Variants in CYFIP2 observed in about 807,000 individuals in gnomAD.
CYFIP2 encodes the protein cytoplasmic FMR1-interacting protein 2.
A neutral mutation model predicts 158.7 loss-of-function variants in CYFIP2; 29 were observed. The ratio of observed to expected loss-of-function variants is 0.18; its 90% CI spans 0.14 to 0.25. CYFIP2 has a LOEUF of 0.25. Ranked by LOEUF, CYFIP2 falls within the 10% of genes least tolerant of loss-of-function variation. The pLI is 1.00. For missense variants in CYFIP2, 852 were observed against 1,639.5 expected, an observed-to-expected ratio of 0.52 and a Z score of 8.29; for synonymous variants, 585 against 617.6, an observed-to-expected ratio of 0.95 and a Z score of 0.78.
At position 157,374,934 on chromosome 5, in the gene CYFIP2, A is replaced by G. The variant is rs538182508; in HGVS notation, c.3040-7656A>G. Among the ~76,000 whole-genome samples the G allele has an allele frequency of 9.8e-5, 15 of 152,296 alleles. No homozygotes were observed. The South Asian group carries it at 3.1e-3, about 32-fold the overall frequency. ...CCAGCCTCTCCATCCCAGCACCATT[A>G]TGGTTCTGAAGGAGACTCATTCTAG... is the stretch of plus-strand genomic sequence containing the variant. On this transcript the variant is annotated intron_variant, in intron 26 of 30. Transcript: ENST00000620254.
chr5:157,317,432 C>T (rs1760242054), intron 13 of CYFIP2, among the ~76,000 whole-genome samples: 3 of 152,172 alleles, frequency 2.0e-5, no homozygotes, highest in African/African-American at 7.2e-5. Context: ...GTATTTATCT[C>T]CCTAGTTCTA....
chr5:157,326,702 G>A (rs961324856), intron 18 of CYFIP2, among the ~76,000 whole-genome samples: 3 of 152,220 alleles, frequency 2.0e-5, no homozygotes, highest in Non-Finnish European at 4.4e-5. Flanking sequence ...CTCAGAACTG[G>A]TTCTAGAAGG....
chr5:157,314,983 G>C lies in CYFIP2; in HGVS notation c.1245G>C (p.Leu415=), dbSNP rs1414730103. 2.5e-6 allele frequency: 4 copies of C among 1,575,944 alleles called. No individual in the cohort carries two copies. Among genetic ancestry groups the C allele is most frequent in the Non-Finnish European group, 3.4e-6 (4 of 1,160,164 alleles). ...ACTCTCCCCAGTACTCTTGGAAGCT[G>C]GTTCATCCCACAGACAAGTTCTGCA... The part of the protein sequence containing the change: ...AHVMEVYSWK[L]VHPTDKFCNK... The change falls in exon 13 of 31, where the codon CTG becomes CTC. Residue 415 remains leucine, a synonymous_variant. Coordinates refer to ENST00000620254, the MANE Select transcript of CYFIP2 (RefSeq NM_001037333.3).
chr5:157,337,563 A>G (rs1761949549), intron 21 of CYFIP2, among the ~76,000 whole-genome samples: 1 of 152,258 alleles, frequency 6.6e-6, no homozygotes, highest in Admixed American at 6.5e-5. Flanking sequence ...TTAGAGCCAC[A>G]GAATCTGAGT....
In CYFIP2 at chr5:157,326,177, C is replaced by T. The variant is rs921544706; in HGVS notation, c.1989C>T (p.Val663=). Residue 663 remains valine (V), a synonymous_variant, in exon 18 of 31, where the codon GTC becomes GTT. Transcript: ENST00000620254. ...ETKEPSMMEY[V]LYPLDLYNDS... Reference sequence around the variant, plus strand: ...TGTGTTTTTCCCTCTTCAGGTATGTCCTCTACCCTCTGGATCTGTACAACG... The same window carrying T: ...TGTGTTTTTCCCTCTTCAGGTATGTTCTCTACCCTCTGGATCTGTACAACG... The T allele has an allele frequency of 2.5e-6, 4 of 1,613,446 alleles. No homozygotes were observed. The highest frequency in any genetic ancestry group is 3.4e-6 in the Non-Finnish European group (4 of 1,179,416).
chr5:157,371,209 A>G (rs1764966688), intron 26 of CYFIP2, among the ~76,000 whole-genome samples: 1 of 152,142 alleles, frequency 6.6e-6, no homozygotes, highest in Non-Finnish European at 1.5e-5. Flanking sequence ...GAAACACATT[A>G]TGTGCCTCCA....
chr5:157,349,320 G>C lies in CYFIP2; in HGVS notation c.2673+8163G>C, dbSNP rs183711040. Reference sequence around the variant, plus strand: ...CAAAATTCATTGTATCATTCTTAATGCCTTTCTGTCCTCATAGCTTAGCTC... The same window carrying C: ...CAAAATTCATTGTATCATTCTTAATCCCTTTCTGTCCTCATAGCTTAGCTC... On this transcript the variant is annotated intron_variant, in intron 23 of 30. Transcript: ENST00000620254. Among the ~76,000 whole-genome samples the C allele has an allele frequency of 2.9e-4, 44 of 152,136 alleles. 1 individual carries two copies. The South Asian group carries it at 4.8e-3, about 16-fold the overall frequency.
intron 3 of CYFIP2, among the ~76,000 whole-genome samples, chr5:157,292,743 G>A (rs1757928636): frequency 6.6e-6 from 1 of 152,130 alleles, no homozygotes; most frequent in South Asian, 2.1e-4. Context: ...TATGTTTTCA[G>A]TTCTCTTGGG....
intron 8 of CYFIP2, 37 bp from the exon 9 acceptor site, chr5:157,307,724 T>C: frequency 3.0e-6 from 4 of 1,342,648 alleles, no homozygotes; most frequent in Non-Finnish European, 4.2e-6. Context: ...CCAGCAGATG[T>C]GATTAGTTTC....
At chr5:157,340,992 G>T in intron 22 of CYFIP2, 78 bp from the exon 23 acceptor site, 1 of 1,364,168 alleles carries the variant, frequency 7.3e-7, no homozygotes. Context: ...TGGCCAGGAA[G>T]CACTCCTGTT....
intron 11 of CYFIP2, among the ~76,000 whole-genome samples, chr5:157,312,674 AAC>A (rs1345963187): frequency 6.6e-6 from 1 of 152,228 alleles, no homozygotes; most frequent in African/African-American, 2.4e-5. Context: ...ATCACAGAGC[AAC>A]GTACCTGAAA....
At chr5:157,272,408 A>C (rs1377564445) in intron 1 of CYFIP2, among the ~76,000 whole-genome samples, 1 of 152,236 alleles carries the variant, frequency 6.6e-6, no homozygotes, top group Non-Finnish European at 1.5e-5. Context: ...TTCTAAAGCA[A>C]ATTATTAAAT....
At position 157,360,347 on chromosome 5, in the gene CYFIP2, G is replaced by A. The variant is rs1381279833; in HGVS notation, c.2883G>A (p.Leu961=). ...AGGTGATGCCCAAGATATGCCGCTT[G>A]CCCCGACATGAGTATGGCTCCCCAG... ...LIEVMPKICR[L]PRHEYGSPGI... The change falls in exon 25 of 31, where the codon TTG becomes TTA. Residue 961 remains leucine (L), a synonymous_variant. Transcript: ENST00000620254. 8.7e-6 allele frequency: 14 copies of A among 1,613,720 alleles called. No individual in the cohort carries two copies. The highest frequency in any genetic ancestry group is 1.2e-5 in the Non-Finnish European group (14 of 1,179,798).
In CYFIP2 at chr5:157,361,019, GC is replaced by G. The variant is rs1763777591; in HGVS notation, c.2909-445del. Among the ~76,000 whole-genome samples, 2 of 152,192 alleles carry G rather than the reference GC, an allele frequency of 1.3e-5. No homozygotes were observed. The highest frequency in any genetic ancestry group is 4.8e-5 in the African/African-American group (2 of 41,438). On this transcript the variant is annotated intron_variant, in intron 25 of 30. Coordinates refer to ENST00000620254, the MANE Select transcript of CYFIP2 (RefSeq NM_001037333.3). This position sits in a 1 kb window ranked among gnomAD's most constrained non-coding sequence, Gnocchi z 4.4. The stretch of plus-strand genomic sequence containing the variant: ...TTACTACCTGTGTGACTATGGGCAT[GC>G]CCCTTACCCTCTCTGAGCCTCATCT...
chr5:157,331,328 G>C (rs1479929210), intron 20 of CYFIP2, among the ~76,000 whole-genome samples: 1 of 150,824 alleles, frequency 6.6e-6, no homozygotes, highest in East Asian at 1.9e-4. Flanking sequence ...AGGAGATGTT[G>C]CTGGGAACTG....
intron 9 of CYFIP2, among the ~76,000 whole-genome samples, chr5:157,308,723 G>C (rs386973): frequency 0.65 from 97,880 of 151,522 alleles, 33,225 homozygotes; most frequent in Admixed American, 0.79. Flanking sequence ...GGCTTTGCTT[G>C]TTTTCAAGGG....
At chr5:157,299,900 A>C (rs368175825) in intron 5 of CYFIP2, among the ~76,000 whole-genome samples, 227 of 152,228 alleles carry the variant, frequency 1.5e-3, no homozygotes, top group African/African-American at 5.0e-3. Flanking sequence ...ACTCCATCTC[A>C]AAACAAAACA....
chr5:157,368,620 C>T (rs570990050), intron 26 of CYFIP2, among the ~76,000 whole-genome samples: 8 of 152,150 alleles, frequency 5.3e-5, no homozygotes, highest in Non-Finnish European at 1.2e-4. Flanking sequence ...AATACCCTTC[C>T]TTTGTGTGAC....
At chr5:157,342,787 T>C in intron 23 of CYFIP2, 1 of 1,417,350 alleles carries the variant, frequency 7.1e-7, no homozygotes, top group South Asian at 1.3e-5. Context: ...GGGTAGTCTA[T>C]AGACACATTT....
Sources: gnomAD v4.1 joint callset for allele counts (sites outside exome capture counted in the v4.1 genomes callset) on GRCh38, gnomAD v4.1.1 for gene constraint, Gnocchi (gnomAD v3.1) non-coding constraint, MANE v1.5 for transcripts, NCBI Gene and HGNC (gene_info 2026-07-23, HGNC 2026-07-21) for gene names.